The following ABCC5 variants were observed in gnomAD, a reference collection of about 807,000 sequenced individuals.
ABCC5 encodes ATP binding cassette subfamily C member 5.
A neutral mutation model predicts 160.9 loss-of-function variants in ABCC5; 61 were observed. The observed-to-expected ratio is 0.38, with a 90% CI of 0.31 to 0.47. The LOEUF is 0.47. ABCC5 is among the 20% of genes least tolerant of loss of function. The pLI is 0.99. For synonymous variants in ABCC5, 666 were observed against 700.6 expected, an observed-to-expected ratio of 0.95 and a Z score of 0.78; for missense variants, 1,308 against 1,813.3, an observed-to-expected ratio of 0.72 and a Z score of 5.06.
At chr3:183,934,584 A>G (rs1713498461) in intron 26 of ABCC5, among the ~76,000 whole-genome samples, 1 of 152,206 alleles carries the variant, frequency 6.6e-6, no homozygotes, top group Admixed American at 6.5e-5. Context: ...CTTTCTCTGG[A>G]GACAAATGGT....
At chr3:183,955,401 G>A (rs1259658247) in intron 17 of ABCC5, among the ~76,000 whole-genome samples, 4 of 152,154 alleles carry the variant, frequency 2.6e-5, no homozygotes, top group Non-Finnish European at 5.9e-5. Flanking sequence ...AACTCTAAAG[G>A]CAGGGGAGTA....
chr3:183,924,010 C>CTTTTTTTTTTTTTTTTTTT (rs200040197), intron 29 of ABCC5, among the ~76,000 whole-genome samples: 9 of 112,798 alleles, frequency 8.0e-5, no homozygotes, highest in East Asian at 5.0e-4. Context: ...TTACTGTTTG[C>CTTTTTTTTTTTTTTTTTTT]TTTTTTTTTT....
At chr3:183,989,935 G>C (rs1454369937) in intron 2 of ABCC5, among the ~76,000 whole-genome samples, 1 of 151,758 alleles carries the variant, frequency 6.6e-6, no homozygotes, top group Admixed American at 6.6e-5. Context: ...CTCCTGAGTA[G>C]CTGGGATTAC....
chr3:183,968,642 G>A (rs1428674603), intron 11 of ABCC5, among the ~76,000 whole-genome samples: 1 of 152,170 alleles, frequency 6.6e-6, no homozygotes, highest in Non-Finnish European at 1.5e-5. Flanking sequence ...CCTTAGGCAA[G>A]ATAAAGAGTT....
chr3:183,957,806 A>G (rs1290826264), intron 17 of ABCC5, among the ~76,000 whole-genome samples: 2 of 151,852 alleles, frequency 1.3e-5, no homozygotes, highest in African/African-American at 4.8e-5. Flanking sequence ...CATCGGTTAC[A>G]CGCAGATCCG....
chr3:183,978,227 C>T (rs1718392785), intron 9 of ABCC5, among the ~76,000 whole-genome samples: 1 of 152,176 alleles, frequency 6.6e-6, no homozygotes. Flanking sequence ...TCAGCTTAAT[C>T]CCATGAATGA....
At chr3:184,008,887 C>T (rs987785439) in intron 2 of ABCC5, among the ~76,000 whole-genome samples, 8 of 152,140 alleles carry the variant, frequency 5.3e-5, no homozygotes, top group Non-Finnish European at 1.0e-4. Flanking sequence ...GACAGGGTCT[C>T]GCTCTGTCAC....
Position 183,936,987 on chromosome 3 carries a change from C to T in ABCC5, c.3854+914G>A, listed in dbSNP as rs570052911. 9.6e-4 allele frequency among the ~76,000 whole-genome samples: 146 copies of T among 152,222 alleles called. 1 individual carries two copies. Among genetic ancestry groups the T allele is most frequent in the Non-Finnish European group, 1.8e-4 (12 of 67,994 alleles). ...TTATCTCTGGCAACCTGGCAGATTT[C>T]AAAAAGTGACATAATTCCAGAGTAT... On this transcript the variant is annotated intron_variant, in intron 26 of 29. Coordinates refer to ENST00000334444, the MANE Select transcript of ABCC5 (RefSeq NM_005688.4).
chr3:183,987,961 A>C lies in ABCC5; in HGVS notation c.444-44T>G. 6.2e-7 allele frequency: 1 copy of C among 1,601,524 alleles called. No homozygotes were observed. On this transcript the variant is annotated intron_variant, in intron 4 of 29. Coordinates refer to ENST00000334444, the MANE Select transcript of ABCC5 (RefSeq NM_005688.4). This position sits in a 1 kb window ranked among gnomAD's most constrained non-coding sequence, Gnocchi z 4.2. The stretch of plus-strand genomic sequence containing the variant: ...CCTCGTTACACATCTCCTCGGGGGA[A>C]AGGCACACCTAGCTCCCCGCCTGCC...
At chr3:183,935,855 C>G (rs911633324) in intron 26 of ABCC5, among the ~76,000 whole-genome samples, 2 of 152,176 alleles carry the variant, frequency 1.3e-5, no homozygotes, top group Non-Finnish European at 2.9e-5. Context: ...TACCTCAATA[C>G]CCAAAGAGAA....
At position 183,951,098 on chromosome 3, in the gene ABCC5, G is replaced by C. The variant is rs570173135; in HGVS notation, c.2944+343C>G. Reference sequence around the variant, plus strand: ...GGCTTTACTGTTACTCTGAACTGTGGGGGTACAGTATTTCAGTTCTGGTGC... The same window carrying C: ...GGCTTTACTGTTACTCTGAACTGTGCGGGTACAGTATTTCAGTTCTGGTGC... On this transcript the variant is annotated intron_variant, in intron 20 of 29. Coordinates refer to ENST00000334444, the MANE Select transcript of ABCC5 (RefSeq NM_005688.4). The surrounding 1 kb of genome is among the most constrained non-coding windows in gnomAD (Gnocchi z 4.7). Among the ~76,000 whole-genome samples, 7 of 152,252 alleles carry C rather than the reference G, an allele frequency of 4.6e-5. No homozygotes were observed. In the East Asian group the frequency reaches 1.4e-3, roughly 29 times the overall value.
intron 25 of ABCC5, among the ~76,000 whole-genome samples, chr3:183,938,305 A>AT (rs111835263): frequency 6.5e-4 from 96 of 148,302 alleles, no homozygotes; most frequent in Admixed American, 2.1e-3. Flanking sequence ...TTCCATTTTC[A>AT]TTTTTTTTTT....
rs566062086 is a variant in ABCC5, at chr3:183,959,442, C to T, written c.2482+291G>A. On this transcript the variant is annotated intron_variant, in intron 17 of 29. Coordinates refer to ENST00000334444, the MANE Select transcript of ABCC5 (RefSeq NM_005688.4). ...GAAGGGTGTACCTGTACCCACCATT[C>T]GATTTTTCCTTACTCAGGATGACTC... is the stretch of plus-strand genomic sequence containing the variant. Among the ~76,000 whole-genome samples, 5 of 152,250 alleles carry T rather than the reference C, an allele frequency of 3.3e-5. No homozygotes were observed. In the South Asian group the frequency reaches 8.3e-4, roughly 25 times the overall value.
intron 2 of ABCC5, among the ~76,000 whole-genome samples, chr3:184,004,126 G>T (rs1411958941): frequency 6.6e-6 from 1 of 151,812 alleles, no homozygotes; most frequent in Non-Finnish European, 1.5e-5. Flanking sequence ...CATTCAGCCT[G>T]GCCTGAAAAC....
intron 26 of ABCC5, 79 bp downstream of exon 26, chr3:183,937,822 G>T: frequency 6.7e-7 from 1 of 1,482,830 alleles, no homozygotes; most frequent in Non-Finnish European, 9.3e-7. Context: ...CCCAGGGGGC[G>T]GTGCTAGCAT....
chr3:183,997,630 G>T (rs947573885), intron 2 of ABCC5, among the ~76,000 whole-genome samples: 1 of 152,100 alleles, frequency 6.6e-6, no homozygotes, highest in African/African-American at 2.4e-5. Flanking sequence ...GCATAGTAGA[G>T]AGTTTGGCAC....
At chr3:183,995,374 T>A (rs1720183991) in intron 2 of ABCC5, among the ~76,000 whole-genome samples, 1 of 152,240 alleles carries the variant, frequency 6.6e-6, no homozygotes, top group South Asian at 2.1e-4. Flanking sequence ...CCCCAGGTCA[T>A]GAAGATTTTC....
chr3:184,014,139 C>T, intron 2 of ABCC5, 125 bp downstream of exon 2: 1 of 752,612 alleles, frequency 1.3e-6, no homozygotes, highest in Non-Finnish European at 2.1e-6. Flanking sequence ...TCCCAAAGTG[C>T]TGGGTTTATA....
intron 17 of ABCC5, 62 bp downstream of exon 17, chr3:183,959,671 T>C: frequency 8.1e-7 from 1 of 1,229,274 alleles, no homozygotes; most frequent in Non-Finnish European, 1.2e-6. Flanking sequence ...AATTACTTAC[T>C]ACACAAGTTA....
Sources: allele counts gnomAD v4.1 joint callset (sites outside exome capture counted in the v4.1 genomes callset), GRCh38; gene constraint gnomAD v4.1.1; non-coding constraint Gnocchi (gnomAD v3.1); transcripts MANE v1.5; gene names NCBI Gene and HGNC (gene_info 2026-07-23, HGNC 2026-07-21).